Variants in ASIC2 observed in about 807,000 individuals in gnomAD.
The protein encoded by ASIC2 is acid sensing ion channel subunit 2, also known as acid-sensing ion channel 2.
In ASIC2, 25 loss-of-function variants were observed where a neutral mutation model predicts 57.3. The observed-to-expected ratio is 0.44, with a 90% CI of 0.32 to 0.61. ASIC2 has a LOEUF of 0.61. Ranked by LOEUF, ASIC2 falls within the 20% of genes least tolerant of loss-of-function variation. The pLI is 0.06. For synonymous variants in ASIC2, 319 were observed against 307.5 expected (o/e 1.04, Z -0.39); for missense variants, 641 against 738.1 (o/e 0.87, Z 1.52).
intron 1 of ASIC2, among the ~76,000 whole-genome samples, chr17:33,184,583 T>C (rs1432300600): frequency 2.0e-5 from 3 of 152,200 alleles, no homozygotes; most frequent in African/African-American, 7.2e-5. Context: ...GTCAGAGCAG[T>C]GCCACGTTGC....
intron 1 of ASIC2, among the ~76,000 whole-genome samples, chr17:33,187,078 C>G (rs1387360225): frequency 6.6e-6 from 1 of 152,162 alleles, no homozygotes; most frequent in East Asian, 1.9e-4. Context: ...TGCTGCCAGT[C>G]TGATCCACTA....
At chr17:33,943,207 GTCTA>G (rs1916229680) in intron 1 of ASIC2, among the ~76,000 whole-genome samples, 2 of 152,178 alleles carry the variant, frequency 1.3e-5, no homozygotes, top group African/African-American at 4.8e-5. Context: ...TAAGGTATTA[GTCTA>G]TCTGTCTTTG....
At chr17:33,307,585 C>T (rs1906236489) in intron 1 of ASIC2, among the ~76,000 whole-genome samples, 2 of 152,338 alleles carry the variant, frequency 1.3e-5, no homozygotes, top group Admixed American at 1.3e-4. Context: ...GCTGGGATTA[C>T]AGGCATAAGC....
intron 1 of ASIC2, among the ~76,000 whole-genome samples, chr17:33,836,113 C>T (rs1189475808): frequency 1.4e-5 from 2 of 142,644 alleles, no homozygotes; most frequent in African/African-American, 2.6e-5. Context: ...ACCCCTCATA[C>T]AGCTTTTTTT....
At chr17:33,418,902 T>C (rs1263010478) in intron 1 of ASIC2, among the ~76,000 whole-genome samples, 1 of 130,626 alleles carries the variant, frequency 7.7e-6, no homozygotes, top group Non-Finnish European at 1.5e-5. Context: ...AGTTGAATAA[T>C]GAGAACACAC....
chr17:33,620,603 G>A (rs1277909827), intron 1 of ASIC2, among the ~76,000 whole-genome samples: 1 of 152,002 alleles, frequency 6.6e-6, no homozygotes, highest in Non-Finnish European at 1.5e-5. Context: ...TAGCAACTTT[G>A]CCATTTTTCT....
chr17:33,758,559 C>T (rs1311339943), intron 1 of ASIC2, among the ~76,000 whole-genome samples: 2 of 152,068 alleles, frequency 1.3e-5, no homozygotes, highest in African/African-American at 4.8e-5. Flanking sequence ...GGGCCTTTAA[C>T]AGGTGATTGA....
At chr17:33,225,850 G>A in intron 1 of ASIC2, among the ~76,000 whole-genome samples, 1 of 152,212 alleles carries the variant, frequency 6.6e-6, no homozygotes, top group Non-Finnish European at 1.5e-5. Flanking sequence ...GGAGGCCATG[G>A]AAGAGACATT....
intron 1 of ASIC2, among the ~76,000 whole-genome samples, chr17:33,149,936 C>G (rs7214319): frequency 0.32 from 49,330 of 152,000 alleles, 8,413 homozygotes; most frequent in East Asian, 0.43. Flanking sequence ...CTTGGATACC[C>G]TCACATTTCC....
At chr17:34,096,712 C>G (rs1011302682) in intron 1 of ASIC2, among the ~76,000 whole-genome samples, 5 of 151,736 alleles carry the variant, frequency 3.3e-5, no homozygotes, top group African/African-American at 9.7e-5. Flanking sequence ...AAGAAGTTAG[C>G]CGGGCAGGGT....
chr17:33,843,428 A>G (rs928628322), intron 1 of ASIC2, among the ~76,000 whole-genome samples: 1 of 152,248 alleles, frequency 6.6e-6, no homozygotes, highest in African/African-American at 2.4e-5. Context: ...TGGCATTTTA[A>G]TAGTGCACAT....
intron 1 of ASIC2, among the ~76,000 whole-genome samples, chr17:33,645,781 C>T (rs1426288318): frequency 2.0e-5 from 3 of 152,130 alleles, no homozygotes; most frequent in Non-Finnish European, 4.4e-5. Context: ...TTGGTTCCAC[C>T]TTATTCTAAT....
chr17:33,646,803 TAATTATC>T (rs1906755631), intron 1 of ASIC2, among the ~76,000 whole-genome samples: 1 of 152,016 alleles, frequency 6.6e-6, no homozygotes, highest in Non-Finnish European at 1.5e-5. Flanking sequence ...GGTGTTCTTG[TAATTATC>T]AACCAATAGT....
chr17:33,775,687 T>A (rs980375033), intron 1 of ASIC2, among the ~76,000 whole-genome samples: 4 of 152,170 alleles, frequency 2.6e-5, no homozygotes, highest in Non-Finnish European at 4.4e-5. Context: ...GGTGAGAAAG[T>A]GTCCCTGGCA....
At chr17:33,309,621 T>C (rs929470470) in intron 1 of ASIC2, among the ~76,000 whole-genome samples, 3 of 152,078 alleles carry the variant, frequency 2.0e-5, no homozygotes, top group Admixed American at 1.3e-4. Context: ...TCTCTTCTCC[T>C]AATGTGTTTT....
At chr17:33,490,786 T>C (rs1442749215) in intron 1 of ASIC2, among the ~76,000 whole-genome samples, 1 of 152,216 alleles carries the variant, frequency 6.6e-6, no homozygotes, top group Non-Finnish European at 1.5e-5. Flanking sequence ...AAGATTTTTG[T>C]GTGTTTGTTG....
intron 1 of ASIC2, among the ~76,000 whole-genome samples, chr17:33,802,760 A>G (rs760304759): frequency 6.6e-6 from 1 of 152,258 alleles, no homozygotes; most frequent in Non-Finnish European, 1.5e-5. Context: ...CCGTTGGCCT[A>G]GAGGCCAGGG....
chr17:33,739,659 A>G (rs1910033589), intron 1 of ASIC2, among the ~76,000 whole-genome samples: 1 of 152,194 alleles, frequency 6.6e-6, no homozygotes, highest in Non-Finnish European at 1.5e-5. Context: ...TCTGGTGAGT[A>G]TCACTGTGGT....
At chr17:34,155,811 T>C in intron 1 of ASIC2, 1 of 729,530 alleles carries the variant, frequency 1.4e-6, no homozygotes, top group Non-Finnish European at 2.2e-6. Flanking sequence ...TAGCCTTCCC[T>C]GCAACCAGCT....
Sources: gnomAD v4.1 joint callset for allele counts (sites outside exome capture counted in the v4.1 genomes callset) on GRCh38, gnomAD v4.1.1 for gene constraint, MANE v1.5 for transcripts, NCBI Gene and HGNC (gene_info 2026-07-23, HGNC 2026-07-21) for gene names.